Variants in L3MBTL4 observed in about 807,000 individuals in gnomAD.
L3MBTL4 encodes lethal(3)malignant brain tumor-like protein 4.
A neutral mutation model predicts 84.5 loss-of-function variants in L3MBTL4; 70 were observed. The ratio of observed to expected loss-of-function variants is 0.83; its 90% CI spans 0.68 to 1.01. The LOEUF is 1.01. Among genes scored for constraint, L3MBTL4 ranks in the 50% least tolerant of loss-of-function variants. The pLI, the probability that L3MBTL4 is intolerant of heterozygous loss-of-function variation, is 0.00. For missense variants in L3MBTL4, 715 were observed against 754.8 expected (o/e 0.95, Z 0.62); for synonymous variants, 274 against 259.8 (o/e 1.05, Z -0.52).
chr18:6,137,345 C>T (rs1206664365), intron 14 of L3MBTL4, among the ~76,000 whole-genome samples: 2 of 152,184 alleles, frequency 1.3e-5, no homozygotes, highest in South Asian at 2.1e-4. Flanking sequence ...GTGCTTATCA[C>T]TATTACAGTG....
Position 6,292,422 on chromosome 18 carries a change from G to A in L3MBTL4, c.127+9481C>T, listed in dbSNP as rs187601182. Among the ~76,000 whole-genome samples, 1,039 of 152,242 alleles carry A rather than the reference G, an allele frequency of 6.8e-3. 9 individuals are homozygous for A. Among genetic ancestry groups the A allele is most frequent in the Middle Eastern group, 0.017 (5 of 294 alleles). On this transcript the variant is annotated intron_variant, in intron 4 of 18. Coordinates refer to ENST00000317931, the MANE Select transcript of L3MBTL4 (RefSeq NM_001330559.2). ...TAGAATAATGTTGGCTCAACACCTGGAGATGACTGCCGATGCCTATGAAAC... is the reference window on the plus strand; with the variant it reads ...TAGAATAATGTTGGCTCAACACCTGAAGATGACTGCCGATGCCTATGAAAC...
At chr18:6,183,488 C>T (rs574124607) in intron 12 of L3MBTL4, among the ~76,000 whole-genome samples, 1 of 152,316 alleles carries the variant, frequency 6.6e-6, no homozygotes, top group African/African-American at 2.4e-5. Context: ...GGACAAAGGC[C>T]TTTTCAGGCG....
At chr18:6,172,562 C>T (rs1390464852) in intron 12 of L3MBTL4, among the ~76,000 whole-genome samples, 1 of 152,070 alleles carries the variant, frequency 6.6e-6, no homozygotes, top group African/African-American at 2.4e-5. Context: ...AAGATCCAGC[C>T]ATCCCCAGGT....
chr18:6,025,147 A>G (rs2055442675), intron 16 of L3MBTL4: 1 of 152,224 alleles, frequency 6.6e-6, no homozygotes, highest in Non-Finnish European at 1.5e-5. Flanking sequence ...GTTCTGGTAA[A>G]AACAAAACAA....
intron 1 of L3MBTL4, among the ~76,000 whole-genome samples, chr18:6,355,381 C>T (rs115368333): frequency 1.4e-4 from 21 of 151,754 alleles, no homozygotes; most frequent in Non-Finnish European, 2.9e-4. Flanking sequence ...CTTTATTCAC[C>T]TGTAATGTTT....
rs770676657 is a variant in L3MBTL4 at position 6,138,169 on chromosome 18, ATAACT to A, written c.1199+20_1199+24del. On this transcript the variant is annotated intron_variant, in intron 14 of 18. Coordinates refer to ENST00000317931, the MANE Select transcript of L3MBTL4 (RefSeq NM_001330559.2). Reference sequence around the variant, plus strand: ...CAGAATGTTTCCATTCATCCAGGAAATAACTTAAATAAGAAAAATGTTACCTGTGA... The same window carrying A: ...CAGAATGTTTCCATTCATCCAGGAAATAAATAAGAAAAATGTTACCTGTGA... 24 of 1,496,916 alleles carry A rather than the reference ATAACT, an allele frequency of 1.6e-5. No individual in the cohort carries two copies. In the African/African-American group the frequency reaches 2.2e-4, roughly 14 times the overall value. The allele number at this position is 1,496,916 out of a possible 1,614,324, so 92.7% of individuals were successfully genotyped here.
At chr18:6,163,268 G>GTGGGT (rs1341011839) in intron 13 of L3MBTL4, among the ~76,000 whole-genome samples, 39 of 89,050 alleles carry the variant, frequency 4.4e-4, no homozygotes, top group Non-Finnish European at 6.7e-4. Flanking sequence ...GTGGGGGGGG[G>GTGGGT]GTGGGTGTGT....
At chr18:5,977,088 C>A (rs2052975280) in intron 16 of L3MBTL4, among the ~76,000 whole-genome samples, 1 of 152,132 alleles carries the variant, frequency 6.6e-6, no homozygotes, top group Non-Finnish European at 1.5e-5. Context: ...AATGGGTAAC[C>A]TTCCCACCTC....
intron 16 of L3MBTL4, among the ~76,000 whole-genome samples, chr18:6,018,315 G>A (rs1047957427): frequency 2.0e-5 from 3 of 152,262 alleles, no homozygotes; most frequent in East Asian, 3.9e-4. Context: ...ACTTGGCTCC[G>A]TTTCCAGAAC....
intron 12 of L3MBTL4, among the ~76,000 whole-genome samples, chr18:6,172,245 G>A (rs1331195744): frequency 1.3e-5 from 2 of 152,196 alleles, no homozygotes; most frequent in East Asian, 3.8e-4. Context: ...CTGGAATGCT[G>A]TTGAGGGGAT....
intron 4 of L3MBTL4, among the ~76,000 whole-genome samples, chr18:6,269,686 C>T (rs1315563109): frequency 6.6e-6 from 1 of 152,202 alleles, no homozygotes; most frequent in East Asian, 1.9e-4. Flanking sequence ...TCACACATTA[C>T]TTTTTAAATA....
intron 16 of L3MBTL4, among the ~76,000 whole-genome samples, chr18:5,990,733 G>A (rs1047051140): frequency 4.0e-5 from 6 of 151,796 alleles, no homozygotes; most frequent in African/African-American, 1.5e-4. Context: ...TCTAAGCCCT[G>A]AAGGAATTCC....
rs545930584 is a variant in L3MBTL4, at chr18:6,330,433, C to G, written c.-90-18377G>C. 4.6e-5 allele frequency among the ~76,000 whole-genome samples: 7 copies of G among 152,346 alleles called. No homozygotes were observed. In the East Asian group the frequency reaches 1.3e-3, roughly 29 times the overall value. ...GCTTCCAGCATTCCTTGGCTCGTGA[C>G]CCCTTCCTCCATCTTCAAAGCCAGC... On this transcript the variant is annotated intron_variant, in intron 1 of 18. Transcript: ENST00000317931.
chr18:6,265,267 A>G (rs563773031), intron 4 of L3MBTL4, among the ~76,000 whole-genome samples: 66 of 152,324 alleles, frequency 4.3e-4, no homozygotes, highest in Admixed American at 2.0e-4. Flanking sequence ...TGCTTTCCAA[A>G]TTTTCTAGAT....
At chr18:6,304,025 A>C (rs1447303384) in intron 3 of L3MBTL4, among the ~76,000 whole-genome samples, 1 of 144,392 alleles carries the variant, frequency 6.9e-6, no homozygotes, top group South Asian at 2.2e-4. Context: ...AAAAAAAAAA[A>C]AAAACAAAAA....
At chr18:6,131,751 G>A (rs982103356) in intron 14 of L3MBTL4, among the ~76,000 whole-genome samples, 6 of 152,106 alleles carry the variant, frequency 3.9e-5, no homozygotes, top group African/African-American at 7.2e-5. Flanking sequence ...GTGTGTGTGC[G>A]CAAGTGCATG....
At chr18:5,975,368 C>T (rs1371665998) in intron 16 of L3MBTL4, among the ~76,000 whole-genome samples, 1 of 152,144 alleles carries the variant, frequency 6.6e-6, no homozygotes, top group African/African-American at 2.4e-5. Flanking sequence ...CAGTCGGTCC[C>T]CAAATCCAAT....
At chr18:6,072,563 G>A (rs1056115777) in intron 16 of L3MBTL4, among the ~76,000 whole-genome samples, 3 of 151,392 alleles carry the variant, frequency 2.0e-5, no homozygotes, top group Non-Finnish European at 4.4e-5. Flanking sequence ...TTTAAAGGCC[G>A]GGAGCGGTGG....
At chr18:6,110,477 T>C (rs1283731443) in intron 14 of L3MBTL4, among the ~76,000 whole-genome samples, 1 of 145,572 alleles carries the variant, frequency 6.9e-6, no homozygotes, top group Admixed American at 6.8e-5. Flanking sequence ...GTGGCATGGG[T>C]GGGTGGGTGT....
Sources: allele counts gnomAD v4.1 joint callset (sites outside exome capture counted in the v4.1 genomes callset), GRCh38; gene constraint gnomAD v4.1.1; transcripts MANE v1.5; gene names NCBI Gene and HGNC (gene_info 2026-07-23, HGNC 2026-07-21).